Variants in CDC7 observed in about 807,000 individuals in gnomAD.
The protein encoded by CDC7 is cell division cycle 7-related protein kinase.
A neutral mutation model predicts 53.5 loss-of-function variants in CDC7; 34 were observed. The ratio of observed to expected loss-of-function variants is 0.64; its 90% CI spans 0.48 to 0.85. The LOEUF is 0.85. Among genes scored for constraint, CDC7 ranks in the 40% least tolerant of loss-of-function variants. The probability of loss-of-function intolerance (pLI) is 0.00; values close to 1 mark genes in which losing one functional copy is unlikely to be tolerated. For synonymous variants in CDC7, 211 were observed against 222.8 expected, an observed-to-expected ratio of 0.95 and a Z score of 0.47; for missense variants, 594 against 679.7, an observed-to-expected ratio of 0.87 and a Z score of 1.40.
Position 91,524,250 on chromosome 1 carries a change from A to T in CDC7, c.1540A>T (p.Lys514Ter). 1 of 1,613,928 alleles carries T rather than the reference A, an allele frequency of 6.2e-7. No homozygotes were observed. Among genetic ancestry groups the T allele is most frequent in the Non-Finnish European group, 8.5e-7 (1 of 1,179,820 alleles). ...AGGACAATACTCAGGGAATTCATTT[A>T]AAAAGGGGGATAGTAATAGCTGTGA... ...PPGQYSGNSF[K>*]KGDSNSCEHC... The change falls in exon 12 of 12, where the codon AAA becomes TAA. Residue 514 changes from lysine (K) to a stop codon, truncating the protein, a stop_gained. Coordinates refer to ENST00000234626, the MANE Select transcript of CDC7 (RefSeq NM_003503.4). LOFTEE classifies it high-confidence loss of function.
chr1:91,522,483 A>T (rs944410111), intron 11 of CDC7, among the ~76,000 whole-genome samples: 1 of 152,206 alleles, frequency 6.6e-6, no homozygotes, highest in Non-Finnish European at 1.5e-5. Flanking sequence ...TTCCTGACAC[A>T]TAGTAGTCTG....
At chr1:91,511,509 T>C in intron 4 of CDC7, 88 bp from the exon 5 acceptor site, 1 of 735,052 alleles carries the variant, frequency 1.4e-6, no homozygotes. Context: ...ATGTATGCAT[T>C]GCTAAAATTG....
chr1:91,516,740 A>G (rs1667577285), intron 10 of CDC7, among the ~76,000 whole-genome samples: 1 of 152,180 alleles, frequency 6.6e-6, no homozygotes, highest in African/African-American at 2.4e-5. Context: ...TGAGCCAAGG[A>G]ACTCAAGAAA....
Position 91,515,887 on chromosome 1 carries a change from C to T in CDC7, c.1180+11C>T. ...CCAATCAAACTACAGGTATGTTGTA[C>T]TGGAAATACAGAACCTAGTTAAAAT... On this transcript the variant is annotated intron_variant, in intron 10 of 11. Transcript: ENST00000234626. 6.3e-7 allele frequency: 1 copy of T among 1,599,556 alleles called. No homozygotes were observed. The highest frequency in any genetic ancestry group is 8.6e-7 in the Non-Finnish European group (1 of 1,167,058).
chr1:91,506,075 T>A (rs967838470), intron 2 of CDC7, among the ~76,000 whole-genome samples: 10 of 152,184 alleles, frequency 6.6e-5, no homozygotes, highest in Admixed American at 4.6e-4. Flanking sequence ...AGTGGCACGA[T>A]CATAGTTTAG....
chr1:91,518,673 G>T (rs1443050420), intron 10 of CDC7, among the ~76,000 whole-genome samples: 1 of 152,118 alleles, frequency 6.6e-6, no homozygotes. Context: ...TAATTTGTGG[G>T]ATCTAAAAAT....
intron 7 of CDC7, 99 bp downstream of exon 7, chr1:91,513,406 T>A (rs1044772038): frequency 4.7e-6 from 5 of 1,061,780 alleles, no homozygotes; most frequent in Non-Finnish European, 6.7e-6. Context: ...ACTTATAATT[T>A]AAAAAACTTT....
chr1:91,524,300 C>G lies in CDC7; in HGVS notation c.1590C>G (p.Thr530=). 1 of 1,613,930 alleles carries G rather than the reference C, an allele frequency of 6.2e-7. No homozygotes were observed. The highest frequency in any genetic ancestry group is 8.5e-7 in the Non-Finnish European group (1 of 1,179,912). Residue 530 remains threonine (T), a synonymous_variant, in exon 12 of 12, where the codon ACC becomes ACG. Transcript: ENST00000234626. ...AGCATTGTTTTGATGAGTATAATAC[C>G]AATTTAGAAGGCTGGAATGAGGTAC... ...SCEHCFDEYN[T]NLEGWNEVPD...
rs1199491885 is a variant in CDC7, at chr1:91,501,810, G to C, written c.94G>C (p.Glu32Gln). The C allele has an allele frequency of 6.2e-7, 1 of 1,612,108 alleles. No individual in the cohort carries two copies. Among genetic ancestry groups the C allele is most frequent in the Non-Finnish European group, 8.5e-7 (1 of 1,178,256 alleles). Residue 32 changes from glutamate to glutamine, a missense_variant, in exon 2 of 12, where the codon GAG becomes CAG. Transcript: ENST00000234626. Reference sequence around the variant, plus strand: ...GGCTGAAGGCTCTTTAAAAAAAAACGAGCAGAATTTTAAACTTGCAGGTAC... The same window carrying C: ...GGCTGAAGGCTCTTTAAAAAAAAACCAGCAGAATTTTAAACTTGCAGGTAC... ...FQAEGSLKKN[E>Q]QNFKLAGVKK...
At chr1:91,521,123 A>G (rs1447307394) in intron 11 of CDC7, among the ~76,000 whole-genome samples, 1 of 152,238 alleles carries the variant, frequency 6.6e-6, no homozygotes, top group Non-Finnish European at 1.5e-5. Flanking sequence ...CCTCAAGAGT[A>G]GCTGGGCTGT....
chr1:91,507,845 C>A lies in CDC7; in HGVS notation c.116-9C>A. 7.7e-7 allele frequency: 1 copy of A among 1,301,832 alleles called. No individual in the cohort carries two copies. The highest frequency in any genetic ancestry group is 1.1e-6 in the Non-Finnish European group (1 of 926,170). The allele number at this position is 1,301,832 out of a possible 1,614,324, so 80.6% of individuals were successfully genotyped here. A position where few individuals can be genotyped will look rare whatever the true frequency, so the allele number is the denominator to read the frequency against. ...TGATTAAAACTCTAAATTTTTGTTTCCTTGAAAGGTGTTAAAAAAGATATT... is the reference window on the plus strand; with the variant it reads ...TGATTAAAACTCTAAATTTTTGTTTACTTGAAAGGTGTTAAAAAAGATATT... On this transcript the variant is annotated splice_polypyrimidine_tract_variant and intron_variant, in intron 2 of 11. Transcript: ENST00000234626.
At chr1:91,503,721 TAA>T (rs1394454308) in intron 2 of CDC7, among the ~76,000 whole-genome samples, 1 of 152,188 alleles carries the variant, frequency 6.6e-6, no homozygotes, top group Non-Finnish European at 1.5e-5. Flanking sequence ...AAAGCCAAAA[TAA>T]AGTCTTTTCC....
chr1:91,520,362 T>C (rs1044907218), intron 11 of CDC7, 83 bp downstream of exon 11: 3 of 1,153,222 alleles, frequency 2.6e-6, no homozygotes, highest in Non-Finnish European at 3.6e-6. Flanking sequence ...TGTGAAATTT[T>C]CTTTACAAAT....
chr1:91,523,103 G>A (rs1668056010), intron 11 of CDC7, among the ~76,000 whole-genome samples: 1 of 152,142 alleles, frequency 6.6e-6, no homozygotes, highest in Admixed American at 6.5e-5. Context: ...TTTAAAAACA[G>A]ATCTAGTTTG....
At chr1:91,523,959 G>GT in intron 11 of CDC7, 82 bp from the exon 12 acceptor site, 1 of 1,046,432 alleles carries the variant, frequency 9.6e-7, no homozygotes, top group South Asian at 1.7e-5. Flanking sequence ...GAACTTTCAT[G>GT]TTTCTCATGA....
chr1:91,511,913 C>A lies in CDC7; in HGVS notation c.562C>A (p.Arg188Ser), dbSNP rs539320135. 1.3e-6 allele frequency: 2 copies of A among 1,573,950 alleles called. No individual in the cohort carries two copies. The highest frequency in any genetic ancestry group is 1.2e-5 in the South Asian group (1 of 84,696). ...VKPSNFLYNR[R>S]LKKYALVDFG... ...GCCCAGCAATTTTTTATATAATAGGCGCCTGAAAAAGTAAGTATGAAGAGT... is the reference window on the plus strand; with the variant it reads ...GCCCAGCAATTTTTTATATAATAGGAGCCTGAAAAAGTAAGTATGAAGAGT... Residue 188 changes from arginine (R) to serine (S), a missense_variant, in exon 6 of 12, where the codon CGC (arginine) becomes AGC (serine). Arg to Ser is a moderately radical substitution (Grantham distance 110, BLOSUM62 -1). Transcript: ENST00000234626.
chr1:91,524,267 T>C lies in CDC7; in HGVS notation c.1557T>C (p.Asn519=). The part of the protein sequence containing the change: ...SGNSFKKGDS[N]SCEHCFDEYN... ...ATTCATTTAAAAAGGGGGATAGTAA[T>C]AGCTGTGAGCATTGTTTTGATGAGT... Residue 519 remains asparagine (N), a synonymous_variant, in exon 12 of 12, where the codon AAT becomes AAC. Transcript: ENST00000234626. 6.2e-7 allele frequency: 1 copy of C among 1,614,058 alleles called. No homozygotes were observed. The highest frequency in any genetic ancestry group is 8.5e-7 in the Non-Finnish European group (1 of 1,179,934).
intron 2 of CDC7, among the ~76,000 whole-genome samples, chr1:91,504,259 C>T (rs1666863310): frequency 6.6e-6 from 1 of 152,048 alleles, no homozygotes; most frequent in Non-Finnish European, 1.5e-5. Context: ...GCATGTGCCG[C>T]TACACTCAGC....
At chr1:91,511,574 T>C (rs1266850903) in intron 4 of CDC7, 23 bp from the exon 5 acceptor site, 7 of 1,477,198 alleles carry the variant, frequency 4.7e-6, no homozygotes, top group South Asian at 1.2e-5. Flanking sequence ...CTTCTAAAAG[T>C]TCCTTGTGCA....
Sources: allele counts gnomAD v4.1 joint callset (sites outside exome capture counted in the v4.1 genomes callset), GRCh38; gene constraint gnomAD v4.1.1; transcripts MANE v1.5; gene names NCBI Gene and HGNC (gene_info 2026-07-23, HGNC 2026-07-21).